COPG2: variants seen among roughly 807,000 people sequenced by gnomAD.
COPG2 encodes coat protein complex I subunit gamma 2.
A neutral mutation model predicts 46.3 loss-of-function variants in COPG2; 37 were observed. The observed-to-expected ratio is 0.80, with a 90% CI of 0.61 to 1.05. COPG2 has a LOEUF of 1.05. Among genes scored for constraint, COPG2 ranks in the 50% least tolerant of loss-of-function variants. The pLI, the probability that COPG2 is intolerant of heterozygous loss-of-function variation, is 0.00. For synonymous variants in COPG2, 159 were observed against 129.7 expected (o/e 1.23, Z -1.53); for missense variants, 427 against 387.8 (o/e 1.10, Z -0.85).
chr7:130,539,001 T>G (rs2116368324), intron 20 of COPG2, among the ~76,000 whole-genome samples: 1 of 152,028 alleles, frequency 6.6e-6, no homozygotes, highest in East Asian at 1.9e-4. Context: ...GGATGAAGGT[T>G]TGGGTGCTGA....
intron 5 of COPG2, among the ~76,000 whole-genome samples, chr7:130,623,312 T>G (rs1163260529): frequency 6.6e-6 from 1 of 152,112 alleles, no homozygotes; most frequent in African/African-American, 2.4e-5. Context: ...ATTCCATGGG[T>G]CTAATTCTGT....
intron 12 of COPG2, among the ~76,000 whole-genome samples, chr7:130,560,519 G>A (rs1793701861): frequency 6.6e-6 from 1 of 152,094 alleles, no homozygotes; most frequent in Non-Finnish European, 1.5e-5. Context: ...AAAGGAACCA[G>A]AATATTAAAA....
At chr7:130,599,423 C>T (rs544120390) in intron 9 of COPG2, among the ~76,000 whole-genome samples, 2 of 152,308 alleles carry the variant, frequency 1.3e-5, no homozygotes, top group South Asian at 4.1e-4. Context: ...GTTCCAAGAA[C>T]ACCCGCATTG....
At chr7:130,620,778 T>C (rs1008163030) in intron 5 of COPG2, among the ~76,000 whole-genome samples, 11 of 152,170 alleles carry the variant, frequency 7.2e-5, no homozygotes, top group Admixed American at 4.6e-4. Flanking sequence ...ATTTTAGACC[T>C]GAGTTAATGC....
intron 9 of COPG2, among the ~76,000 whole-genome samples, chr7:130,597,903 A>C (rs1274616243): frequency 6.6e-6 from 1 of 152,162 alleles, no homozygotes; most frequent in African/African-American, 2.4e-5. Flanking sequence ...CCAAATGCCT[A>C]TTACTCACAT....
intron 9 of COPG2, among the ~76,000 whole-genome samples, chr7:130,578,562 G>A (rs1159076100): frequency 1.3e-5 from 2 of 150,758 alleles, no homozygotes; most frequent in African/African-American, 2.4e-5. Flanking sequence ...GCTACGGGAG[G>A]ACATTCAAAC....
intron 4 of COPG2, among the ~76,000 whole-genome samples, chr7:130,662,138 T>C (rs940332973): frequency 6.6e-6 from 1 of 152,196 alleles, no homozygotes; most frequent in South Asian, 2.1e-4. Context: ...TTATCCCATA[T>C]GTGAGGAAAT....
chr7:130,638,551 T>A (rs1795393105), intron 5 of COPG2, among the ~76,000 whole-genome samples: 1 of 152,040 alleles, frequency 6.6e-6, no homozygotes, highest in Non-Finnish European at 1.5e-5. Context: ...TACTCAAGCC[T>A]CAGTAATGGC....
intron 4 of COPG2, among the ~76,000 whole-genome samples, chr7:130,659,826 C>T (rs782357692): frequency 7.2e-5 from 11 of 151,936 alleles, no homozygotes; most frequent in African/African-American, 1.9e-4. Context: ...GCAGGAGAAT[C>T]GCTCAAACCC....
At chr7:130,656,597 A>C (rs1389191637) in intron 4 of COPG2, among the ~76,000 whole-genome samples, 1 of 152,136 alleles carries the variant, frequency 6.6e-6, no homozygotes, top group East Asian at 1.9e-4. Context: ...AGACAGCTGC[A>C]ATAGTGAACT....
chr7:130,573,440 T>G (rs181212999), intron 9 of COPG2, among the ~76,000 whole-genome samples: 1 of 152,006 alleles, frequency 6.6e-6, no homozygotes, highest in African/African-American at 2.4e-5. Context: ...ACAAAAATTC[T>G]TAACAAATAT....
intron 9 of COPG2, among the ~76,000 whole-genome samples, chr7:130,567,866 A>G (rs1022269866): frequency 1.3e-5 from 2 of 152,188 alleles, no homozygotes; most frequent in Admixed American, 6.5e-5. Context: ...CTCCTTAAAG[A>G]AAAAAATCTC....
chr7:130,566,900 G>A (rs1296113887), intron 9 of COPG2, among the ~76,000 whole-genome samples: 1 of 152,142 alleles, frequency 6.6e-6, no homozygotes, highest in African/African-American at 2.4e-5. Context: ...TTACAAAATG[G>A]TACAGTTTGG....
intron 5 of COPG2, among the ~76,000 whole-genome samples, chr7:130,646,981 A>ATATATATATATG (rs1563070174): frequency 0.14 from 128 of 902 alleles, 1 homozygote; most frequent in African/African-American, 0.18. Flanking sequence ...GTATATATAT[A>ATATATATATATG]TGTATATATA....
intron 20 of COPG2, among the ~76,000 whole-genome samples, chr7:130,520,053 C>T (rs1019610101): frequency 6.6e-6 from 1 of 152,074 alleles, no homozygotes; most frequent in African/African-American, 2.4e-5. Flanking sequence ...AGGTATAGAT[C>T]GGGATTCTTT....
chr7:130,649,525 T>G (rs200297997), intron 5 of COPG2, among the ~76,000 whole-genome samples: 3 of 152,208 alleles, frequency 2.0e-5, no homozygotes, highest in Non-Finnish European at 4.4e-5. Context: ...AATTGCAGTA[T>G]ACAAGCCTGA....
chr7:130,609,987 T>C, intron 9 of COPG2: 1 of 475,158 alleles, frequency 2.1e-6, no homozygotes, highest in Non-Finnish European at 4.1e-6. Context: ...TTTAGAGAAG[T>C]TGTTTAAAAG....
chr7:130,651,494 ATTTTTTTTTTTTTTTTTT>A (rs59572019), intron 5 of COPG2, among the ~76,000 whole-genome samples: 5 of 57,242 alleles, frequency 8.7e-5, no homozygotes, highest in South Asian at 1.5e-3. Flanking sequence ...ATTTTTTTGT[ATTTTTTTTTTTTTTTTTT>A]TTTTTTTTTT....
At chr7:130,537,260 G>T (rs1799889417) in intron 20 of COPG2, among the ~76,000 whole-genome samples, 1 of 151,552 alleles carries the variant, frequency 6.6e-6, no homozygotes, top group South Asian at 2.1e-4. Context: ...AGGGGAGTCA[G>T]GGTTGTGGGG....
Sources: allele counts gnomAD v4.1 joint callset (sites outside exome capture counted in the v4.1 genomes callset), GRCh38; gene constraint gnomAD v4.1.1; transcripts MANE v1.5; gene names NCBI Gene and HGNC (gene_info 2026-07-23, HGNC 2026-07-21).